The following SH3RF3 variants were observed in gnomAD, a reference collection of about 807,000 sequenced individuals.
SH3RF3 encodes the protein E3 ubiquitin-protein ligase SH3RF3.
SH3RF3 carries 29 observed loss-of-function variants against 66.3 expected under a neutral mutation model. That is an observed-to-expected ratio of 0.44 (90% CI 0.33 to 0.60). The LOEUF (loss-of-function observed/expected upper bound fraction) is 0.60, where lower values mean the gene tolerates loss of function less well. Ranked by LOEUF, SH3RF3 falls within the 20% of genes least tolerant of loss-of-function variation. SH3RF3 has a pLI of 0.04. For synonymous variants in SH3RF3, 583 were observed against 532.0 expected (o/e 1.10, Z -1.32); for missense variants, 1,194 against 1,190.9 (o/e 1.00, Z -0.04).
rs1265259908 is a variant in SH3RF3 at position 109,493,438 on chromosome 2, CAT to C, written c.2480+2503_2480+2504del. ...ACATCATGCAAACACAGACTACACA[CAT>C]GTGCAAACACACTCCACATACACTA... On this transcript the variant is annotated intron_variant, in intron 9 of 9. Transcript: ENST00000309415. Among the ~76,000 whole-genome samples, 34 of 151,758 alleles carry C rather than the reference CAT, an allele frequency of 2.2e-4. No individual in the cohort carries two copies. In the East Asian group the frequency reaches 3.1e-3, roughly 14 times the overall value.
chr2:109,300,943 C>T (rs755719062), intron 1 of SH3RF3, among the ~76,000 whole-genome samples: 26 of 152,242 alleles, frequency 1.7e-4, no homozygotes, highest in Non-Finnish European at 3.1e-4. Flanking sequence ...AGCATGGCTG[C>T]TGGCTACCAG....
chr2:109,180,183 T>C (rs1328378164), intron 1 of SH3RF3, among the ~76,000 whole-genome samples: 2 of 151,602 alleles, frequency 1.3e-5, no homozygotes, highest in Non-Finnish European at 2.9e-5. Context: ...TACTTCCCTC[T>C]CTACCTGTGC....
intron 5 of SH3RF3, among the ~76,000 whole-genome samples, chr2:109,426,814 T>C (rs1677037739): frequency 6.6e-6 from 1 of 152,152 alleles, no homozygotes; most frequent in African/African-American, 2.4e-5. Flanking sequence ...TGCTGTCTTA[T>C]TTTAAGAAGT....
intron 1 of SH3RF3, among the ~76,000 whole-genome samples, chr2:109,319,481 G>A (rs1222675847): frequency 6.6e-6 from 1 of 152,168 alleles, no homozygotes; most frequent in African/African-American, 2.4e-5. Context: ...TTGCACTTCT[G>A]CTGGGGTAGT....
intron 3 of SH3RF3, among the ~76,000 whole-genome samples, chr2:109,372,408 T>C (rs1269139946): frequency 2.0e-5 from 3 of 152,194 alleles, no homozygotes; most frequent in South Asian, 2.1e-4. Context: ...CATGTGCACA[T>C]TGGTGAGCTG....
chr2:109,209,183 G>A (rs976718587), intron 1 of SH3RF3, among the ~76,000 whole-genome samples: 1 of 152,218 alleles, frequency 6.6e-6, no homozygotes, highest in African/African-American at 2.4e-5. Flanking sequence ...TCATAGTTGT[G>A]TACCTGAGGC....
intron 4 of SH3RF3, among the ~76,000 whole-genome samples, chr2:109,404,551 G>T (rs1409179204): frequency 6.6e-6 from 1 of 152,122 alleles, no homozygotes; most frequent in Non-Finnish European, 1.5e-5. Context: ...AGTCAAGGTC[G>T]CCAAGGAGCT....
intron 8 of SH3RF3, among the ~76,000 whole-genome samples, chr2:109,470,986 G>A (rs917176374): frequency 9.2e-5 from 14 of 152,118 alleles, no homozygotes; most frequent in African/African-American, 3.1e-4. Context: ...TTGAGAGGCC[G>A]AGGAGGGCAG....
intron 7 of SH3RF3, among the ~76,000 whole-genome samples, chr2:109,441,518 C>A (rs1397608600): frequency 1.3e-5 from 2 of 152,084 alleles, no homozygotes; most frequent in African/African-American, 4.8e-5. Context: ...AGATAAAAGA[C>A]AATTTTGAAA....
At chr2:109,226,612 G>A (rs1574515121) in intron 1 of SH3RF3, among the ~76,000 whole-genome samples, 1 of 152,064 alleles carries the variant, frequency 6.6e-6, no homozygotes, top group Admixed American at 6.6e-5. Flanking sequence ...TTCTTGAATC[G>A]CTCCCCTTTC....
intron 1 of SH3RF3, among the ~76,000 whole-genome samples, chr2:109,244,831 G>A (rs1472410295): frequency 1.3e-5 from 2 of 152,196 alleles, no homozygotes; most frequent in African/African-American, 4.8e-5. Flanking sequence ...CCTGAGAACA[G>A]GGGAGGTTTT....
intron 1 of SH3RF3, among the ~76,000 whole-genome samples, chr2:109,184,221 C>T (rs1442735196): frequency 1.3e-5 from 2 of 152,134 alleles, no homozygotes; most frequent in African/African-American, 2.4e-5. Flanking sequence ...TCTACACTCC[C>T]TTGGGAGTTC....
intron 1 of SH3RF3, among the ~76,000 whole-genome samples, chr2:109,140,714 A>AT (rs746967211): frequency 6.6e-6 from 1 of 152,032 alleles, no homozygotes; most frequent in Admixed American, 6.6e-5. Flanking sequence ...GGGAAATAGA[A>AT]TTTTTTCCCT....
At chr2:109,184,614 C>T (rs1181392565) in intron 1 of SH3RF3, among the ~76,000 whole-genome samples, 2 of 152,126 alleles carry the variant, frequency 1.3e-5, no homozygotes, top group Non-Finnish European at 2.9e-5. Context: ...TGCTCCTGTG[C>T]CTCCATGGGC....
At chr2:109,272,138 T>C (rs1223560287) in intron 1 of SH3RF3, among the ~76,000 whole-genome samples, 1 of 152,186 alleles carries the variant, frequency 6.6e-6, no homozygotes, top group Non-Finnish European at 1.5e-5. Context: ...GCTGGACTTA[T>C]CCCTCCCTGG....
At position 109,501,440 on chromosome 2, in the gene SH3RF3, A is replaced by C. The variant is rs925321089; in HGVS notation, c.2481-63A>C. 5 of 692,482 alleles carry C rather than the reference A, an allele frequency of 7.2e-6. No individual in the cohort carries two copies. The African/African-American group carries it at 8.7e-5, about 12-fold the overall frequency. The allele number at this position is 692,482 out of a possible 1,614,324, so 42.9% of individuals were successfully genotyped here. A position where few individuals can be genotyped will look rare whatever the true frequency, so the allele number is the denominator to read the frequency against. Reference sequence around the variant, plus strand: ...ATAATTTACACCGAGGGAAGAAGAGAAAGCACGACCCAGCAGATGGAGATT... The same window carrying C: ...ATAATTTACACCGAGGGAAGAAGAGCAAGCACGACCCAGCAGATGGAGATT... On this transcript the variant is annotated intron_variant, in intron 9 of 9. Transcript: ENST00000309415.
intron 1 of SH3RF3, among the ~76,000 whole-genome samples, chr2:109,173,495 G>A (rs191105171): frequency 2.0e-5 from 3 of 152,300 alleles, no homozygotes; most frequent in East Asian, 1.9e-4. Flanking sequence ...TTTAAGGCTG[G>A]GGTTGGCACA....
At chr2:109,164,215 G>T (rs939349899) in intron 1 of SH3RF3, among the ~76,000 whole-genome samples, 2 of 151,526 alleles carry the variant, frequency 1.3e-5, no homozygotes, top group African/African-American at 4.9e-5. Flanking sequence ...GCCTTGCTCT[G>T]TTGCCCAGGC....
intron 9 of SH3RF3, among the ~76,000 whole-genome samples, chr2:109,491,641 C>A (rs952808160): frequency 2.6e-5 from 4 of 152,124 alleles, no homozygotes; most frequent in Non-Finnish European, 4.4e-5. Context: ...GGCTTGGATC[C>A]CCCTGTGTGA....
Sources: allele counts gnomAD v4.1 joint callset (sites outside exome capture counted in the v4.1 genomes callset), GRCh38; gene constraint gnomAD v4.1.1; transcripts MANE v1.5; gene names NCBI Gene and HGNC (gene_info 2026-07-23, HGNC 2026-07-21).